The following PEX13 variants were observed in gnomAD, a reference collection of about 807,000 sequenced individuals.
PEX13 encodes the protein peroxisomal biogenesis factor 13.
In PEX13, 28 loss-of-function variants were observed where a neutral mutation model predicts 34.5. That is an observed-to-expected ratio of 0.81 (90% CI 0.60 to 1.11). The LOEUF is 1.11. Ranked by LOEUF, PEX13 falls within the 50% of genes most tolerant of loss-of-function variation. PEX13 has a pLI of 0.00. For synonymous variants in PEX13, 177 were observed against 175.1 expected (o/e 1.01, Z -0.09); for missense variants, 550 against 491.0 (o/e 1.12, Z -1.13).
intron 1 of PEX13, among the ~76,000 whole-genome samples, chr2:61,030,920 G>A (rs1031133734): frequency 1.3e-5 from 2 of 152,128 alleles, no homozygotes; most frequent in African/African-American, 4.8e-5. Flanking sequence ...TTTTTGAGGT[G>A]ATGAAAATCT....
rs1206797932 is a variant in PEX13 at position 61,049,897 on chromosome 2, C to G, written c.*1127C>G. ...ATACTTGAGTTCTTTTGAGTTTGCA[C>G]TTAATGATATAATCAGTTATAATAG... On this transcript the variant is annotated 3_prime_UTR_variant, in exon 4 of 4. Transcript: ENST00000295030. The G allele has an allele frequency of 6.6e-6, 1 of 152,238 alleles. No homozygotes were observed. The highest frequency in any genetic ancestry group is 1.9e-4 in the East Asian group (1 of 5,284). 9.4% of individuals were successfully genotyped at this position (152,238 alleles called of 1,614,324 possible).
intron 2 of PEX13, among the ~76,000 whole-genome samples, 172 bp from the exon 3 acceptor site, chr2:61,045,554 G>T (rs1382003207): frequency 6.6e-6 from 1 of 152,102 alleles, no homozygotes; most frequent in Non-Finnish European, 1.5e-5. Flanking sequence ...GTTCATAATA[G>T]GTATCTTTAG....
intron 2 of PEX13, among the ~76,000 whole-genome samples, chr2:61,041,843 A>G (rs1680629781): frequency 6.6e-6 from 1 of 152,214 alleles, no homozygotes; most frequent in African/African-American, 2.4e-5. Flanking sequence ...TAAATGATGA[A>G]GAAGCTACTA....
At chr2:61,042,941 TA>T (rs1680648430) in intron 2 of PEX13, among the ~76,000 whole-genome samples, 1 of 152,230 alleles carries the variant, frequency 6.6e-6, no homozygotes, top group African/African-American at 2.4e-5. Flanking sequence ...TAATACTTGC[TA>T]AATCTGTTGG....
At chr2:61,022,259 C>T (rs546388261) in intron 1 of PEX13, among the ~76,000 whole-genome samples, 32 of 152,204 alleles carry the variant, frequency 2.1e-4, no homozygotes, top group Non-Finnish European at 4.1e-4. Context: ...TCTAACCCGT[C>T]GCAAAGAAGC....
intron 2 of PEX13, among the ~76,000 whole-genome samples, chr2:61,034,163 AT>A (rs753842311): frequency 1.1e-4 from 17 of 151,902 alleles, no homozygotes; most frequent in Non-Finnish European, 2.4e-4. Context: ...CACCCGGTTA[AT>A]TTTTTGTATT....
chr2:61,030,645 T>C (rs961372540), intron 1 of PEX13, among the ~76,000 whole-genome samples: 1 of 152,218 alleles, frequency 6.6e-6, no homozygotes, highest in Non-Finnish European at 1.5e-5. Flanking sequence ...ACAATATACC[T>C]GGAATAAAGT....
In PEX13 at chr2:61,049,010, G is replaced by T. The variant is rs913757434; in HGVS notation, c.*240G>T. 2.7e-5 allele frequency: 14 copies of T among 511,960 alleles called. No homozygotes were observed. The highest frequency in any genetic ancestry group is 2.5e-4 in the African/African-American group (13 of 52,114). 31.7% of individuals were successfully genotyped at this position (511,960 alleles called of 1,614,324 possible). ...GTTTCACCTAGATTTTAAGATTATG[G>T]AGACTGCTGTCATTTTTATCTTATT... On this transcript the variant is annotated 3_prime_UTR_variant, in exon 4 of 4. Transcript: ENST00000295030.
At chr2:61,028,136 T>G (rs1680391383) in intron 1 of PEX13, among the ~76,000 whole-genome samples, 1 of 152,180 alleles carries the variant, frequency 6.6e-6, no homozygotes, top group Admixed American at 6.5e-5. Context: ...AAGGGAAAGA[T>G]ACATTTTAAT....
chr2:61,021,068 G>C (rs190422523), intron 1 of PEX13, among the ~76,000 whole-genome samples: 2 of 152,328 alleles, frequency 1.3e-5, no homozygotes, highest in Admixed American at 1.3e-4. Flanking sequence ...TGTGGGAATA[G>C]GAACAGCTCT....
intron 1 of PEX13, among the ~76,000 whole-genome samples, chr2:61,026,384 G>A (rs555656599): frequency 4.8e-5 from 6 of 125,668 alleles, no homozygotes; most frequent in African/African-American, 1.6e-4. Context: ...TCACTCTGTC[G>A]CCCAGGCCGG....
chr2:61,031,433 G>T lies in PEX13; in HGVS notation c.107G>T (p.Gly36Val), dbSNP rs1405279402. Residue 36 changes from glycine (G) to valine (V), a missense_variant, in exon 2 of 4, where the codon GGT becomes GTT. Physicochemically the swap from Gly to Val is moderately radical, Grantham distance 109. Coordinates refer to ENST00000295030, the MANE Select transcript of PEX13 (RefSeq NM_002618.4). ...PGPTFQSADL[G>V]PTLMTRPGQP... ...TTTGGTTTTAGATCTGCTGATTTGGGTCCTACTTTAATGACAAGACCTGGA... is the reference window on the plus strand; with the variant it reads ...TTTGGTTTTAGATCTGCTGATTTGGTTCCTACTTTAATGACAAGACCTGGA... 2 of 1,613,722 alleles carry T rather than the reference G, an allele frequency of 1.2e-6. No individual in the cohort carries two copies. The highest frequency in any genetic ancestry group is 1.7e-6 in the Non-Finnish European group (2 of 1,179,818).
At chr2:61,038,934 A>G (rs905366951) in intron 2 of PEX13, among the ~76,000 whole-genome samples, 4 of 152,322 alleles carry the variant, frequency 2.6e-5, no homozygotes, top group African/African-American at 9.6e-5. Flanking sequence ...CAGTGTGCAA[A>G]AATCACAAGC....
chr2:61,042,472 G>A (rs899679572), intron 2 of PEX13, among the ~76,000 whole-genome samples: 5 of 151,976 alleles, frequency 3.3e-5, no homozygotes, highest in Non-Finnish European at 7.4e-5. Flanking sequence ...GCACAGTATA[G>A]TATGAATTAT....
At chr2:61,023,732 C>CTTTT (rs375431867) in intron 1 of PEX13, among the ~76,000 whole-genome samples, 1 of 130,196 alleles carries the variant, frequency 7.7e-6, no homozygotes, top group Non-Finnish European at 1.6e-5. Context: ...TTCCTGACTT[C>CTTTT]TTTTTTTTTT....
rs540616694 is a variant in PEX13, at chr2:61,017,780, T to A, written c.21T>A (p.Pro7=). The A allele has an allele frequency of 6.5e-7, 1 of 1,549,454 alleles. No homozygotes were observed. MASQPP[P]PPKPWETRRI... The stretch of plus-strand genomic sequence containing the variant: ...AGGAGATGGCGTCCCAGCCGCCACC[T>A]CCCCCCAAACCCTGGGAGACCCGCC... Residue 7 remains proline, a synonymous_variant, in exon 1 of 4, where the codon CCT becomes CCA. Transcript: ENST00000295030.
At chr2:61,030,574 T>G (rs1680433761) in intron 1 of PEX13, among the ~76,000 whole-genome samples, 1 of 152,320 alleles carries the variant, frequency 6.6e-6, no homozygotes, top group East Asian at 1.9e-4. Context: ...ATACAGGTGT[T>G]AGATAAGCTT....
At chr2:61,018,411 G>C in intron 1 of PEX13, 1 of 1,242,308 alleles carries the variant, frequency 8.0e-7, no homozygotes, top group Non-Finnish European at 1.1e-6. Flanking sequence ...AGGAGTTCTA[G>C]ATCTGAGGCC....
At chr2:61,018,140 G>T (rs758804663) in intron 1 of PEX13, 1 of 1,549,866 alleles carries the variant, frequency 6.5e-7, no homozygotes, top group Non-Finnish European at 8.7e-7. Context: ...CCTACCTACC[G>T]CTTCTGTTTT....
Sources: gnomAD v4.1 joint callset for allele counts (sites outside exome capture counted in the v4.1 genomes callset) on GRCh38, gnomAD v4.1.1 for gene constraint, MANE v1.5 for transcripts, NCBI Gene and HGNC (gene_info 2026-07-23, HGNC 2026-07-21) for gene names.